Variants in EBF2 observed in about 807,000 individuals in gnomAD.
The protein encoded by EBF2 is transcription factor COE2.
A neutral mutation model predicts 72.8 loss-of-function variants in EBF2; 21 were observed. That is an observed-to-expected ratio of 0.29 (90% CI 0.20 to 0.42). The LOEUF is 0.42. EBF2 is among the 10% of genes least tolerant of loss of function. The pLI is 1.00. For missense variants in EBF2, 637 were observed against 731.2 expected (o/e 0.87, Z 1.49); for synonymous variants, 299 against 274.2 (o/e 1.09, Z -0.89).
At chr8:26,013,039 G>T (rs1165094909) in intron 6 of EBF2, among the ~76,000 whole-genome samples, 1 of 152,160 alleles carries the variant, frequency 6.6e-6, no homozygotes, top group Non-Finnish European at 1.5e-5. Context: ...CAAATATATG[G>T]CATCCTAGTT....
At chr8:25,864,501 A>C (rs202138294) in intron 10 of EBF2, among the ~76,000 whole-genome samples, 2 of 149,320 alleles carry the variant, frequency 1.3e-5, no homozygotes, top group Non-Finnish European at 3.0e-5. Context: ...GATACACACA[A>C]ACACACACAC....
chr8:26,041,131 C>A, intron 2 of EBF2, 129 bp from the exon 3 acceptor site: 1 of 1,067,022 alleles, frequency 9.4e-7, no homozygotes, highest in South Asian at 1.4e-5. Context: ...ACCCCCTGTT[C>A]AGCCCTAGGT....
intron 14 of EBF2, among the ~76,000 whole-genome samples, chr8:25,855,505 GA>G (rs1363662672): frequency 1.3e-5 from 2 of 152,192 alleles, no homozygotes; most frequent in African/African-American, 4.8e-5. Flanking sequence ...ACTTGACTAA[GA>G]AGCTTGGCTC....
At chr8:25,906,409 C>A (rs750139868) in intron 7 of EBF2, among the ~76,000 whole-genome samples, 1 of 152,080 alleles carries the variant, frequency 6.6e-6, no homozygotes, top group Non-Finnish European at 1.5e-5. Context: ...AGTGAATTTC[C>A]ACCATGCACG....
At chr8:25,964,881 C>G (rs1417516245) in intron 6 of EBF2, among the ~76,000 whole-genome samples, 2 of 152,150 alleles carry the variant, frequency 1.3e-5, no homozygotes, top group South Asian at 4.1e-4. Context: ...CGCATGCATG[C>G]ACACACAGAG....
chr8:25,978,960 G>C (rs1461958733), intron 6 of EBF2, among the ~76,000 whole-genome samples: 1 of 152,174 alleles, frequency 6.6e-6, no homozygotes, highest in African/African-American at 2.4e-5. Context: ...GTGGCTTCAG[G>C]CTGGAAAACG....
Position 25,973,629 on chromosome 8 carries a change from T to G in EBF2, c.551+59456A>C, listed in dbSNP as rs117620498. Reference sequence around the variant, plus strand: ...CATTTCCATCCTCAAATCTGTCTGCTTTGTTAGATTGTTTTTCCCCCTTGA... The same window carrying G: ...CATTTCCATCCTCAAATCTGTCTGCGTTGTTAGATTGTTTTTCCCCCTTGA... On this transcript the variant is annotated intron_variant, in intron 6 of 15. Coordinates refer to ENST00000520164, the MANE Select transcript of EBF2 (RefSeq NM_022659.4). Among the ~76,000 whole-genome samples the G allele has an allele frequency of 2.5e-3, 379 of 152,304 alleles. 9 individuals carry two copies. In the East Asian group the frequency reaches 0.043, roughly 17 times the overall value.
chr8:25,931,353 G>T (rs917253917), intron 6 of EBF2, among the ~76,000 whole-genome samples: 4 of 152,106 alleles, frequency 2.6e-5, no homozygotes, highest in Non-Finnish European at 5.9e-5. Context: ...GCATGGCCTG[G>T]TCTAAAGCAA....
At chr8:26,016,745 C>T (rs1037501983) in intron 6 of EBF2, among the ~76,000 whole-genome samples, 7 of 152,164 alleles carry the variant, frequency 4.6e-5, no homozygotes, top group African/African-American at 1.7e-4. Context: ...GAAAACCTCG[C>T]TTTCTCTTGC....
intron 6 of EBF2, among the ~76,000 whole-genome samples, chr8:25,945,538 C>T (rs1269399066): frequency 2.6e-5 from 4 of 151,788 alleles, no homozygotes; most frequent in East Asian, 2.0e-4. Context: ...TCCCAAGTAC[C>T]GATACATGGG....
intron 6 of EBF2, among the ~76,000 whole-genome samples, chr8:25,947,386 A>G (rs1489335518): frequency 6.6e-6 from 1 of 152,176 alleles, no homozygotes; most frequent in Non-Finnish European, 1.5e-5. Context: ...CGGTGAGTCA[A>G]TTAAACCTCT....
At chr8:26,003,585 C>A (rs2117223230) in intron 6 of EBF2, among the ~76,000 whole-genome samples, 1 of 152,198 alleles carries the variant, frequency 6.6e-6, no homozygotes, top group Non-Finnish European at 1.5e-5. Context: ...CTCTCCCTGA[C>A]TTGAGACAAG....
intron 6 of EBF2, among the ~76,000 whole-genome samples, chr8:25,979,722 T>C (rs894592364): frequency 6.6e-6 from 1 of 152,160 alleles, no homozygotes; most frequent in African/African-American, 2.4e-5. Context: ...CTGACGTCCT[T>C]AGCCACTCAA....
chr8:26,032,795 G>A (rs762309834), intron 6 of EBF2: 39 of 305,766 alleles, frequency 1.3e-4, no homozygotes, highest in South Asian at 4.4e-4. Flanking sequence ...TACCCTGCCC[G>A]AAAGGAGAGG....
At position 26,039,641 on chromosome 8, in the gene EBF2, C is replaced by T. The variant is rs74868775; in HGVS notation, c.482+387G>A. ...TAGGAGTCGTTCCAGGGCTTTCACT[C>T]AGTAACTCCAAGTGGAGTTACTGGA... On this transcript the variant is annotated intron_variant, in intron 5 of 15. Transcript: ENST00000520164. 3.7e-3 allele frequency among the ~76,000 whole-genome samples: 570 copies of T among 152,312 alleles called. 3 individuals carry two copies. Among genetic ancestry groups the T allele is most frequent in the African/African-American group, 0.013 (554 of 41,588 alleles).
At chr8:26,023,883 T>C (rs1585231777) in intron 6 of EBF2, among the ~76,000 whole-genome samples, 1 of 152,050 alleles carries the variant, frequency 6.6e-6, no homozygotes, top group Admixed American at 6.6e-5. Flanking sequence ...TTCTAGCAGG[T>C]TCCCCTACTT....
At chr8:26,042,494 G>T (rs898786256) in intron 1 of EBF2, among the ~76,000 whole-genome samples, 2 of 151,986 alleles carry the variant, frequency 1.3e-5, no homozygotes, top group Non-Finnish European at 2.9e-5. Context: ...CAAGTGGTCC[G>T]GCATCCCACC....
At chr8:25,908,408 AAG>A in intron 7 of EBF2, 64 bp downstream of exon 7, 2 of 1,220,334 alleles carry the variant, frequency 1.6e-6, no homozygotes, top group South Asian at 1.3e-5. Flanking sequence ...AGAAAATAAA[AAG>A]AGTGAGAAGG....
At position 26,007,796 on chromosome 8, in the gene EBF2, GCACACACACACACACATA is replaced by G. The variant is rs939170865; in HGVS notation, c.551+25271_551+25288del. ...GTACACTTGCAACTTTTGCACATGT[GCACACACACACACACATA>G]CACACACACACACTACAGAGAAAGC... On this transcript the variant is annotated intron_variant, in intron 6 of 15. Transcript: ENST00000520164. Among the ~76,000 whole-genome samples, 27 of 150,334 alleles carry G rather than the reference GCACACACACACACACATA, an allele frequency of 1.8e-4. No individual in the cohort carries two copies. The East Asian group carries it at 2.6e-3, about 14-fold the overall frequency.
Sources: allele counts gnomAD v4.1 joint callset (sites outside exome capture counted in the v4.1 genomes callset), GRCh38; gene constraint gnomAD v4.1.1; transcripts MANE v1.5; gene names NCBI Gene and HGNC (gene_info 2026-07-23, HGNC 2026-07-21).